TP53I11: variants seen among roughly 807,000 people sequenced by gnomAD.
TP53I11 encodes tumor protein p53-inducible protein 11.
In TP53I11, 9 loss-of-function variants were observed where a neutral mutation model predicts 23.3. That is an observed-to-expected ratio of 0.39 (90% CI 0.23 to 0.67). The LOEUF (loss-of-function observed/expected upper bound fraction) is 0.67, where lower values mean the gene tolerates loss of function less well. Among genes scored for constraint, TP53I11 ranks in the 30% least tolerant of loss-of-function variants. TP53I11 has a pLI of 0.48. For missense variants in TP53I11, 170 were observed against 255.2 expected (o/e 0.67, Z 2.27); for synonymous variants, 100 against 106.1 (o/e 0.94, Z 0.35).
intron 1 of TP53I11, among the ~76,000 whole-genome samples, chr11:44,945,185 G>C (rs781539865): frequency 1.4e-4 from 21 of 152,136 alleles, no homozygotes; most frequent in Non-Finnish European, 2.5e-4. Flanking sequence ...TCTGTGATAG[G>C]GGCAGGCAGC....
intron 3 of TP53I11, 49 bp downstream of exon 3, chr11:44,937,506 C>G (rs1251688200): frequency 4.4e-6 from 7 of 1,603,230 alleles, no homozygotes; most frequent in Non-Finnish European, 6.0e-6. Flanking sequence ...GCATTCTGCC[C>G]CACCGCCGCA....
chr11:44,936,952 G>A lies in TP53I11; in HGVS notation c.238-53C>T, dbSNP rs1590744932. On this transcript the variant is annotated intron_variant, in intron 4 of 6. Coordinates refer to ENST00000525680, the MANE Select transcript of TP53I11 (RefSeq NM_006034.5). The surrounding 1 kb of genome is among the most constrained non-coding windows in gnomAD (Gnocchi z 4.4). Reference sequence around the variant, plus strand: ...TCCCGCTTGGGAGAGGGTGGGGGGTGACAGCTGATGCTTCCCACAGACGTC... The same window carrying A: ...TCCCGCTTGGGAGAGGGTGGGGGGTAACAGCTGATGCTTCCCACAGACGTC... 5 of 1,271,998 alleles carry A rather than the reference G, an allele frequency of 3.9e-6. No homozygotes were observed. The East Asian group carries it at 1.2e-4, about 31-fold the overall frequency. The allele number at this position is 1,271,998 out of a possible 1,614,324, so 78.8% of individuals were successfully genotyped here. A position where few individuals can be genotyped will look rare whatever the true frequency, so the allele number is the denominator to read the frequency against.
intron 1 of TP53I11, among the ~76,000 whole-genome samples, chr11:44,938,875 CA>C (rs1182516797): frequency 6.6e-6 from 1 of 152,212 alleles, no homozygotes; most frequent in Non-Finnish European, 1.5e-5. Context: ...CACCCCCCTT[CA>C]AACCTGCCAA....
Position 44,938,338 on chromosome 11 carries a change from T to C in TP53I11, c.-3A>G. 2 of 1,596,412 alleles carry C rather than the reference T, an allele frequency of 1.3e-6. No individual in the cohort carries two copies. The highest frequency in any genetic ancestry group is 1.7e-6 in the Non-Finnish European group (2 of 1,172,008). ...GGCGGGGGCTGCTTGGCCGCCATCT[T>C]CTCCTCCAGCCCGGCCTCTGCAGAA... On this transcript the variant is annotated 5_prime_UTR_variant, in exon 2 of 7. Transcript: ENST00000525680.
At chr11:44,941,501 T>C (rs991574183) in intron 1 of TP53I11, among the ~76,000 whole-genome samples, 3 of 152,148 alleles carry the variant, frequency 2.0e-5, no homozygotes, top group African/African-American at 7.2e-5. Context: ...TGTGTGCCCG[T>C]GGGCAGGTCA....
chr11:44,947,405 C>T (rs1862493180), intron 1 of TP53I11, among the ~76,000 whole-genome samples: 1 of 152,160 alleles, frequency 6.6e-6, no homozygotes, highest in African/African-American at 2.4e-5. Flanking sequence ...GACCTGCACC[C>T]CACTCTCCCC....
intron 1 of TP53I11, chr11:44,947,113 G>T (rs1288918096): frequency 6.6e-6 from 3 of 456,260 alleles, no homozygotes; most frequent in Middle Eastern, 3.3e-4. Flanking sequence ...TCCCCCGGGG[G>T]TCTGAAGCTG....
chr11:44,940,579 TC>T (rs1248957690), intron 1 of TP53I11: 3 of 152,234 alleles, frequency 2.0e-5, no homozygotes, highest in Non-Finnish European at 4.4e-5. Context: ...ACTGTGTGTA[TC>T]AAGAGTCCGC....
At chr11:44,944,272 G>A (rs548988645) in intron 1 of TP53I11, among the ~76,000 whole-genome samples, 2 of 152,300 alleles carry the variant, frequency 1.3e-5, no homozygotes, top group East Asian at 1.9e-4. Context: ...GGCATCACTC[G>A]CAGGGGAGTG....
At chr11:44,944,476 C>A (rs1268819491) in intron 1 of TP53I11, among the ~76,000 whole-genome samples, 1 of 152,200 alleles carries the variant, frequency 6.6e-6, no homozygotes, top group East Asian at 1.9e-4. Flanking sequence ...CAGGGAAGAG[C>A]ACCTCCACAT....
chr11:44,943,307 T>C (rs2135486575), intron 1 of TP53I11: 1 of 152,374 alleles, frequency 6.6e-6, no homozygotes, highest in East Asian at 1.9e-4. Context: ...GCTGTGAAGC[T>C]TCCTGCTCTG....
chr11:44,937,081 T>C, intron 4 of TP53I11, 182 bp from the exon 5 acceptor site: 1 of 748,288 alleles, frequency 1.3e-6, no homozygotes, highest in Non-Finnish European at 2.2e-6. Context: ...ACTCCAGGGT[T>C]CCTGGGAGAA....
intron 1 of TP53I11, among the ~76,000 whole-genome samples, chr11:44,941,949 C>T (rs1236449883): frequency 2.6e-5 from 2 of 76,914 alleles, no homozygotes; most frequent in African/African-American, 9.7e-5. Context: ...CCAACACATG[C>T]ACACACACGC....
At position 44,937,340 on chromosome 11, in the gene TP53I11, G is replaced by T. The variant is rs4573667; in HGVS notation, c.201C>A (p.Phe67Leu). The change falls in exon 4 of 7, where the codon TTC (phenylalanine) becomes TTA (leucine). Residue 67 changes from phenylalanine to leucine, a missense_variant. Coordinates refer to ENST00000525680, the MANE Select transcript of TP53I11 (RefSeq NM_006034.5). ...REPLGLRVWQ[F>L]VSAVLFSGIA... ...TGCCGGAGAAGAGCACAGCAGAGAC[G>T]AACTGCCAGACCCTGGGAGGCGTGG... 17 of 1,484,196 alleles carry T rather than the reference G, an allele frequency of 1.1e-5. No individual in the cohort carries two copies. The Admixed American group carries it at 1.7e-4, about 15-fold the overall frequency. 91.9% of individuals were successfully genotyped at this position (1,484,196 alleles called of 1,614,324 possible). A position where few individuals can be genotyped will look rare whatever the true frequency, so the allele number is the denominator to read the frequency against.
chr11:44,937,061 A>C, intron 4 of TP53I11, 162 bp from the exon 5 acceptor site: 1 of 728,634 alleles, frequency 1.4e-6, no homozygotes, highest in Non-Finnish European at 2.3e-6. Flanking sequence ...CCCCCATGCC[A>C]GGACAGAAAA....
intron 1 of TP53I11, among the ~76,000 whole-genome samples, chr11:44,939,589 T>G (rs1258725322): frequency 6.6e-6 from 1 of 152,162 alleles, no homozygotes; most frequent in African/African-American, 2.4e-5. Flanking sequence ...TGTCCCCGGG[T>G]CACCTCCCAT....
In TP53I11 at chr11:44,936,910, CGA is replaced by C. The variant is rs1861194860; in HGVS notation, c.238-13_238-12del. On this transcript the variant is annotated splice_polypyrimidine_tract_variant and intron_variant, in intron 4 of 6. Transcript: ENST00000525680. The surrounding 1 kb of genome is among the most constrained non-coding windows in gnomAD (Gnocchi z 4.4). The stretch of plus-strand genomic sequence containing the variant: ...AGGGAAGGCAAGCGCCTGCGGGCAG[CGA>C]GAGGGGCTCAGAGGTCCCGCTTGGG... 3 of 1,592,692 alleles carry C rather than the reference CGA, an allele frequency of 1.9e-6. No individual in the cohort carries two copies. The highest frequency in any genetic ancestry group is 2.6e-6 in the Non-Finnish European group (3 of 1,170,024).
intron 1 of TP53I11, among the ~76,000 whole-genome samples, chr11:44,944,787 G>A (rs1251661171): frequency 1.3e-5 from 2 of 152,194 alleles, no homozygotes; most frequent in Non-Finnish European, 2.9e-5. Flanking sequence ...CAGCTGAGGA[G>A]CCTGGCCTCT....
rs1207507518 is a variant in TP53I11 at position 44,936,948 on chromosome 11, G to A, written c.238-49C>T. ...GAGGTCCCGCTTGGGAGAGGGTGGG[G>A]GGTGACAGCTGATGCTTCCCACAGA... On this transcript the variant is annotated intron_variant, in intron 4 of 6. Coordinates refer to ENST00000525680, the MANE Select transcript of TP53I11 (RefSeq NM_006034.5). This position sits in a 1 kb window ranked among gnomAD's most constrained non-coding sequence, Gnocchi z 4.4. 1 of 1,352,266 alleles carries A rather than the reference G, an allele frequency of 7.4e-7. No homozygotes were observed. The highest frequency in any genetic ancestry group is 1.0e-6 in the Non-Finnish European group (1 of 976,446). The allele number at this position is 1,352,266 out of a possible 1,614,324, so 83.8% of individuals were successfully genotyped here.
Sources: gnomAD v4.1 joint callset for allele counts (sites outside exome capture counted in the v4.1 genomes callset) on GRCh38, gnomAD v4.1.1 for gene constraint, Gnocchi (gnomAD v3.1) non-coding constraint, MANE v1.5 for transcripts, NCBI Gene and HGNC (gene_info 2026-07-23, HGNC 2026-07-21) for gene names.